Variants in SRGAP3 observed in about 807,000 individuals in gnomAD.
SRGAP3 encodes the protein SLIT-ROBO Rho GTPase activating protein 3.
SRGAP3 carries 39 observed loss-of-function variants against 121.1 expected under a neutral mutation model. The observed-to-expected ratio is 0.32, with a 90% CI of 0.25 to 0.42. The LOEUF (loss-of-function observed/expected upper bound fraction) is 0.42. SRGAP3 is among the 10% of genes least tolerant of loss of function. The pLI is 1.00. For missense variants in SRGAP3, 1,213 were observed against 1,470.6 expected (o/e 0.82, Z 2.86); for synonymous variants, 601 against 570.0 (o/e 1.05, Z -0.77).
At chr3:9,347,676 C>T (rs1301150244) in intron 1 of SRGAP3, among the ~76,000 whole-genome samples, 1 of 152,196 alleles carries the variant, frequency 6.6e-6, no homozygotes, top group Non-Finnish European at 1.5e-5. Context: ...GACATCTGTA[C>T]AATTGATTCT....
Position 9,124,836 on chromosome 3 carries a change from T to A in SRGAP3, c.149A>T (p.Gln50Leu), listed in dbSNP as rs773255735. The A allele has an allele frequency of 2.5e-6, 4 of 1,614,130 alleles. No individual in the cohort carries two copies. The highest frequency in any genetic ancestry group is 3.4e-6 in the Non-Finnish European group (4 of 1,180,050). Residue 50 changes from glutamine (Q) to leucine (L), a missense_variant, in exon 2 of 22, where the codon CAG (glutamine) becomes CTG (leucine). Transcript: ENST00000383836. ...CTCAGCTTTCCGGCGGAAAAACTCCTGGAGGTCTTGAAGCAGCTGCAGTCG... is the reference window on the plus strand; with the variant it reads ...CTCAGCTTTCCGGCGGAAAAACTCCAGGAGGTCTTGAAGCAGCTGCAGTCG... ...ESRLQLLQDL[Q>L]EFFRRKAEIE...
At chr3:9,073,442 C>A (rs747334135) in intron 4 of SRGAP3, among the ~76,000 whole-genome samples, 104 of 152,204 alleles carry the variant, frequency 6.8e-4, no homozygotes, top group Admixed American at 4.1e-3. Context: ...AAGCCCAGCC[C>A]AGATAAGTAG....
intron 4 of SRGAP3, 120 bp downstream of exon 4, chr3:9,079,905 C>A (rs764842845): frequency 2.9e-5 from 28 of 981,298 alleles, no homozygotes; most frequent in Non-Finnish European, 4.2e-5. Flanking sequence ...TGTCACTCAG[C>A]ATAAAACGCA....
At chr3:9,267,473 G>A (rs2125258949) in intron 3 of SRGAP3, among the ~76,000 whole-genome samples, 1 of 152,320 alleles carries the variant, frequency 6.6e-6, no homozygotes, top group Middle Eastern at 3.4e-3. Flanking sequence ...GGGGGCAGCT[G>A]GGGTCTGTTC....
Position 9,231,787 on chromosome 3 carries a change from A to G in SRGAP3, c.67+17098T>C, listed in dbSNP as rs116838207. Among the ~76,000 whole-genome samples the G allele has an allele frequency of 3.7e-3, 556 of 152,306 alleles. 1 individual carries two copies. The highest frequency in any genetic ancestry group is 0.013 in the African/African-American group (522 of 41,570). ...ATAATGAACATTTCCGCAGCACTCG[A>G]GAGTTTACTTTCTCACACACCACCT... On this transcript the variant is annotated intron_variant, in intron 1 of 21. Coordinates refer to ENST00000383836, the MANE Select transcript of SRGAP3 (RefSeq NM_014850.4).
rs544035241 is a variant in SRGAP3 at position 9,020,331 on chromosome 3, A to T, written c.1679-4600T>A. On this transcript the variant is annotated intron_variant, in intron 14 of 21. Coordinates refer to ENST00000383836, the MANE Select transcript of SRGAP3 (RefSeq NM_014850.4). ...ATCTCAACCTTTTTTTTTTCTCAGTAAAAAATTCCTGTGAAATCCCAACTT... is the reference window on the plus strand; with the variant it reads ...ATCTCAACCTTTTTTTTTTCTCAGTTAAAAATTCCTGTGAAATCCCAACTT... 9.9e-5 allele frequency among the ~76,000 whole-genome samples: 15 copies of T among 151,594 alleles called. No homozygotes were observed. In the South Asian group the frequency reaches 2.7e-3, roughly 27 times the overall value.
At chr3:9,180,677 C>T (rs1326242851) in intron 1 of SRGAP3, among the ~76,000 whole-genome samples, 1 of 152,250 alleles carries the variant, frequency 6.6e-6, no homozygotes, top group Non-Finnish European at 1.5e-5. Context: ...TTCAAACCCT[C>T]ACTCAGACCT....
chr3:9,313,963 A>G (rs2125279570), intron 3 of SRGAP3, among the ~76,000 whole-genome samples: 1 of 152,384 alleles, frequency 6.6e-6, no homozygotes, highest in African/African-American at 2.4e-5. Flanking sequence ...ACTGCACTCC[A>G]GGCTAGATGA....
At chr3:9,320,701 A>G (rs1955425532) in intron 3 of SRGAP3, among the ~76,000 whole-genome samples, 2 of 151,870 alleles carry the variant, frequency 1.3e-5, no homozygotes, top group African/African-American at 4.8e-5. Context: ...ACAGACTAAT[A>G]CAGAGACCGA....
At chr3:9,042,608 G>C (rs1159092905) in intron 10 of SRGAP3, among the ~76,000 whole-genome samples, 1 of 152,172 alleles carries the variant, frequency 6.6e-6, no homozygotes, top group East Asian at 1.9e-4. Context: ...TGGAACCAAA[G>C]ACCAAAGCAG....
chr3:9,200,711 C>T (rs923165494), intron 1 of SRGAP3, among the ~76,000 whole-genome samples: 5 of 152,150 alleles, frequency 3.3e-5, no homozygotes, highest in African/African-American at 7.2e-5. Context: ...GGGTTCCAGG[C>T]AGAATTGTTC....
intron 14 of SRGAP3, 97 bp downstream of exon 14, chr3:9,025,164 C>T (rs961953079): frequency 3.9e-6 from 5 of 1,283,254 alleles, no homozygotes; most frequent in Non-Finnish European, 5.7e-6. Flanking sequence ...CAAACCACTG[C>T]AGGCTGGCTT....
At chr3:9,145,838 G>C (rs1950005146) in intron 1 of SRGAP3, among the ~76,000 whole-genome samples, 1 of 152,232 alleles carries the variant, frequency 6.6e-6, no homozygotes, top group African/African-American at 2.4e-5. Flanking sequence ...CAGGTGAGGA[G>C]AGAGAAGGCA....
intron 7 of SRGAP3, among the ~76,000 whole-genome samples, chr3:9,057,838 T>C (rs943058347): frequency 1.3e-5 from 2 of 152,108 alleles, no homozygotes; most frequent in Non-Finnish European, 2.9e-5. Context: ...GATCGTCTGG[T>C]GTATCAAAGG....
At chr3:9,290,559 T>A (rs1464083672) in intron 3 of SRGAP3, among the ~76,000 whole-genome samples, 1 of 152,146 alleles carries the variant, frequency 6.6e-6, no homozygotes, top group Non-Finnish European at 1.5e-5. Flanking sequence ...TTCATAAAGT[T>A]TTTTATATTA....
At chr3:9,318,586 A>T (rs1955387194) in intron 3 of SRGAP3, among the ~76,000 whole-genome samples, 2 of 151,630 alleles carry the variant, frequency 1.3e-5, no homozygotes, top group Non-Finnish European at 2.9e-5. Flanking sequence ...TTTGAAAATC[A>T]AGCCAGGGCC....
rs1056437908 is a variant in SRGAP3 at position 8,982,256 on chromosome 3, G to T, written c.*3263C>A. On this transcript the variant is annotated 3_prime_UTR_variant, in exon 22 of 22. Transcript: ENST00000383836. ...GGCTTGACCTCAGGATAAGTCGAAG[G>T]TTAAGAAAAGAAATCATTCCATGAA... 8.9e-6 allele frequency: 2 copies of T among 225,872 alleles called. No homozygotes were observed. Among genetic ancestry groups the T allele is most frequent in the African/African-American group, 4.5e-5 (2 of 44,888 alleles). The allele number at this position is 225,872 out of a possible 1,614,324, so 14.0% of individuals were successfully genotyped here. A position where few individuals can be genotyped will look rare whatever the true frequency, so the allele number is the denominator to read the frequency against.
At chr3:9,344,410 G>C (rs2955643) in intron 1 of SRGAP3, among the ~76,000 whole-genome samples, 1 of 151,962 alleles carries the variant, frequency 6.6e-6, no homozygotes, top group African/African-American at 2.4e-5. Flanking sequence ...AGCTGAGATC[G>C]TGCCACCGGA....
intron 4 of SRGAP3, among the ~76,000 whole-genome samples, chr3:9,077,081 T>G (rs1439902419): frequency 6.6e-6 from 1 of 152,068 alleles, no homozygotes; most frequent in African/African-American, 2.4e-5. Context: ...TCATTTACAT[T>G]AGGTATATCT....
Sources: allele counts gnomAD v4.1 joint callset (sites outside exome capture counted in the v4.1 genomes callset), GRCh38; gene constraint gnomAD v4.1.1; transcripts MANE v1.5; gene names NCBI Gene and HGNC (gene_info 2026-07-23, HGNC 2026-07-21).